IRAG2: variants seen among roughly 807,000 people sequenced by gnomAD.
The protein encoded by IRAG2 is inositol 1,4,5-triphosphate receptor associated 2.
IRAG2 carries 45 observed loss-of-function variants against 69.9 expected under a neutral mutation model. That is an observed-to-expected ratio of 0.64 (90% CI 0.51 to 0.83). IRAG2 has a LOEUF of 0.83. IRAG2 is among the 40% of genes least tolerant of loss of function. The pLI is 0.00. For synonymous variants in IRAG2, 193 were observed against 202.4 expected (o/e 0.95, Z 0.40); for missense variants, 520 against 587.0 (o/e 0.89, Z 1.18).
intron 1 of IRAG2, among the ~76,000 whole-genome samples, chr12:25,058,626 C>T (rs544222314): frequency 3.9e-5 from 6 of 152,124 alleles, no homozygotes; most frequent in African/African-American, 1.2e-4. Flanking sequence ...AACATGATAA[C>T]GGCTCTAATA....
chr12:25,048,456 C>T (rs1427971727), upstream of IRAG2, among the ~76,000 whole-genome samples: 1 of 152,026 alleles, frequency 6.6e-6, no homozygotes, highest in Non-Finnish European at 1.5e-5. Flanking sequence ...ACCACCACAC[C>T]CAGCTAATTT....
intron 9 of IRAG2, among the ~76,000 whole-genome samples, chr12:25,081,171 A>G (rs1222368745): frequency 6.6e-6 from 1 of 152,108 alleles, no homozygotes. Flanking sequence ...CTCTCAAAAT[A>G]TATTATTGTG....
At chr12:25,016,747 C>CA (rs1194361791) in intron 5 of IRAG2, among the ~76,000 whole-genome samples, 2 of 126,736 alleles carry the variant, frequency 1.6e-5, no homozygotes, top group Admixed American at 7.7e-5. Context: ...GACTCTGTCT[C>CA]AAAAAATGAA....
At chr12:25,050,903 CT>C (rs71063394), upstream of IRAG2, among the ~76,000 whole-genome samples, 51,087 of 152,052 alleles carry the variant, frequency 0.34, 10,216 homozygotes, top group Admixed American at 0.48. Flanking sequence ...CACGATCCCA[CT>C]TCTCTGAGGT....
intron 6 of IRAG2, among the ~76,000 whole-genome samples, chr12:25,072,962 A>C (rs754777672): frequency 6.6e-6 from 1 of 152,190 alleles, no homozygotes; most frequent in African/African-American, 2.4e-5. Flanking sequence ...ACCAATAAAA[A>C]CTTTTTTTGT....
chr12:25,036,429 C>T (rs938378138), intron 14 of IRAG2, among the ~76,000 whole-genome samples: 2 of 152,108 alleles, frequency 1.3e-5, no homozygotes, highest in African/African-American at 4.8e-5. Flanking sequence ...TGGCAACATC[C>T]TGGAATAAAA....
chr12:25,047,844 C>T (rs982640767), upstream of IRAG2, among the ~76,000 whole-genome samples: 2 of 152,124 alleles, frequency 1.3e-5, no homozygotes, highest in African/African-American at 4.8e-5. Context: ...ATCACATTTT[C>T]GTTATCCAGT....
chr12:25,084,541 G>A (rs992385828), intron 10 of IRAG2, among the ~76,000 whole-genome samples: 1 of 32,582 alleles, frequency 3.1e-5, no homozygotes, highest in Non-Finnish European at 7.9e-5. Flanking sequence ...GCATGGAGGG[G>A]TGTGTGTGTG....
At chr12:25,011,436 A>T in exon 3 of IRAG2, 1 of 1,231,714 alleles carries the variant, frequency 8.1e-7, no homozygotes, top group Non-Finnish European at 1.0e-6. Flanking sequence ...TTCTGAAGAC[A>T]GTGGCCTTGA....
Position 25,038,035 on chromosome 12 carries a change from G to T in IRAG2, c.2042G>T (p.Gly681Val), listed in dbSNP as rs1311896758. The T allele has an allele frequency of 2.0e-5, 8 of 398,708 alleles. No homozygotes were observed. In the South Asian group the frequency reaches 7.6e-4, roughly 38 times the overall value. The allele number at this position is 398,708 out of a possible 1,614,324, so 24.7% of individuals were successfully genotyped here. A position where few individuals can be genotyped will look rare whatever the true frequency, so the allele number is the denominator to read the frequency against. ...TGCATATTAATGCTGAACATCTTGG[G>T]AAACCACAAAGAGTCTCTTGATAAA... Residue 681 changes from glycine (G) to valine (V), a missense_variant, in exon 16 of 39, where the codon GGA becomes GTA. Transcript: ENST00000636465.
intron 14 of IRAG2, among the ~76,000 whole-genome samples, chr12:25,091,605 T>G (rs901543416): frequency 3.9e-5 from 6 of 152,192 alleles, no homozygotes; most frequent in African/African-American, 1.2e-4. Flanking sequence ...CTTACAGTTC[T>G]TTTGATTATA....
chr12:25,087,347 T>C (rs1947695138), intron 10 of IRAG2, among the ~76,000 whole-genome samples: 1 of 151,858 alleles, frequency 6.6e-6, no homozygotes, highest in African/African-American at 2.4e-5. Context: ...TTTGTATTTT[T>C]AGTAGAGACG....
intron 14 of IRAG2, among the ~76,000 whole-genome samples, 154 bp downstream of exon 14, chr12:25,090,351 G>A (rs1338829912): frequency 6.8e-6 from 1 of 146,430 alleles, no homozygotes; most frequent in African/African-American, 2.5e-5. Context: ...AGATCATCCT[G>A]GGCAACATAG....
intron 16 of IRAG2, among the ~76,000 whole-genome samples, chr12:25,041,697 G>A (rs959185039): frequency 6.7e-6 from 1 of 148,594 alleles, no homozygotes; most frequent in African/African-American, 2.5e-5. Context: ...AGTAGAGATG[G>A]GGTTTTGCTG....
At chr12:25,045,322 C>T (rs997301533) in intron 16 of IRAG2, among the ~76,000 whole-genome samples, 7 of 152,020 alleles carry the variant, frequency 4.6e-5, no homozygotes, top group Non-Finnish European at 7.4e-5. Flanking sequence ...ATAAACCTAA[C>T]TTTTTACACT....
In IRAG2 at chr12:25,101,219, C is replaced by T. The variant is rs76030521; in HGVS notation, c.783C>T (p.His261=). Residue 261 remains histidine (H), a synonymous_variant, in exon 16 of 22, where the codon CAC becomes CAT. Coordinates refer to ENST00000556887, the MANE Select transcript of IRAG2 (RefSeq NM_001366544.2). ...VSKAVEVMIQ[H]VENLKRMYAK... ...AAGCAGTTGAAGTGATGATTCAGCACGTAGAAAACTTGAAGAGGATGTATG... is the reference window on the plus strand; with the variant it reads ...AAGCAGTTGAAGTGATGATTCAGCATGTAGAAAACTTGAAGAGGATGTATG... 347 of 1,611,742 alleles carry T rather than the reference C, an allele frequency of 2.2e-4. 1 individual carries two copies. The East Asian group carries it at 6.8e-3, about 32-fold the overall frequency.
upstream of IRAG2, among the ~76,000 whole-genome samples, chr12:25,047,635 C>T (rs1944805428): frequency 6.6e-6 from 1 of 152,036 alleles, no homozygotes; most frequent in Non-Finnish European, 1.5e-5. Context: ...GACAGGCTTC[C>T]AGTGTGTGGT....
chr12:25,042,330 C>A (rs1268288929), intron 16 of IRAG2, among the ~76,000 whole-genome samples: 2 of 152,100 alleles, frequency 1.3e-5, no homozygotes, highest in Non-Finnish European at 2.9e-5. Flanking sequence ...ATCATTCGAA[C>A]ATGTTGGCAG....
At chr12:25,101,845 C>T (rs1432103401) in intron 16 of IRAG2, 9 of 487,724 alleles carry the variant, frequency 1.8e-5, no homozygotes, top group Non-Finnish European at 3.5e-5. Context: ...CTTTTCTGAG[C>T]AGAATTCTTA....
Sources: gnomAD v4.1 joint callset for allele counts (sites outside exome capture counted in the v4.1 genomes callset) on GRCh38, gnomAD v4.1.1 for gene constraint, MANE v1.5 for transcripts, NCBI Gene and HGNC (gene_info 2026-07-23, HGNC 2026-07-21) for gene names.